Variants in LRRTM1 observed in about 807,000 individuals in gnomAD.
The protein encoded by LRRTM1 is leucine rich repeat transmembrane neuronal 1.
A neutral mutation model predicts 37.3 loss-of-function variants in LRRTM1; 8 were observed. The ratio of observed to expected loss-of-function variants is 0.21; its 90% CI spans 0.13 to 0.39. LRRTM1 has a LOEUF of 0.39. LRRTM1 is among the 10% of genes least tolerant of loss of function. The probability of loss-of-function intolerance (pLI) is 1.00; values close to 1 mark genes in which losing one functional copy is unlikely to be tolerated. For synonymous variants in LRRTM1, 326 were observed against 316.8 expected (o/e 1.03, Z -0.31); for missense variants, 557 against 691.0 (o/e 0.81, Z 2.17).
At position 80,304,133 on chromosome 2, in the gene LRRTM1, TA is replaced by T. The variant is rs1558986529; in HGVS notation, c.-60+18del. ...AAAAATCTTCGGGAAAGAATTTAAT[TA>T]AAAAGTGTCTTACCCACCCTTTTCC... On this transcript the variant is annotated intron_variant, in intron 1 of 1. Coordinates refer to ENST00000295057, the MANE Select transcript of LRRTM1 (RefSeq NM_178839.5). 1 of 285,792 alleles carries T rather than the reference TA, an allele frequency of 3.5e-6. No homozygotes were observed. Among genetic ancestry groups the T allele is most frequent in the African/African-American group, 2.2e-5 (1 of 46,018 alleles). 17.7% of individuals were successfully genotyped at this position (285,792 alleles called of 1,614,324 possible).
At chr2:80,299,147 A>T (rs887567880), downstream of LRRTM1, 14 of 152,300 alleles carry the variant, frequency 9.2e-5, no homozygotes, top group African/African-American at 3.4e-4. Context: ...TTCAGATAGC[A>T]CAGCATAATG....
rs1270358733 is a variant in LRRTM1 at position 80,302,414 on chromosome 2, C to T, written c.1406G>A (p.Arg469Lys). The stretch of plus-strand genomic sequence containing the variant: ...CATGGTCTGTTTCTGCTTTTGCTTC[C>T]TGCGCTGCGTGACAAAGCACTGTCT... ...QLRQCFVTQR[R>K]KQKQKQTMHQ... Residue 469 changes from arginine to lysine, a missense_variant, in exon 2 of 2, where the codon AGG (arginine) becomes AAG (lysine). Transcript: ENST00000295057. The surrounding 1 kb of genome is among the most constrained non-coding windows in gnomAD (Gnocchi z 6.4). The T allele has an allele frequency of 2.5e-6, 4 of 1,614,140 alleles. No homozygotes were observed. In the African/African-American group the frequency reaches 4.0e-5, roughly 16 times the overall value.
At chr2:80,290,059 G>T (rs1429235484) in intron 2 of LRRTM1, among the ~76,000 whole-genome samples, 1 of 152,106 alleles carries the variant, frequency 6.6e-6, no homozygotes, top group East Asian at 1.9e-4. Flanking sequence ...AGTTTTTGAA[G>T]TTCTGTCACT....
downstream of LRRTM1, among the ~76,000 whole-genome samples, chr2:80,297,369 A>G (rs1675839937): frequency 2.0e-5 from 3 of 152,152 alleles, no homozygotes; most frequent in African/African-American, 7.2e-5. Flanking sequence ...GACTTCTGTA[A>G]GCCTCAGGTT....
In LRRTM1 at chr2:80,302,629, G is replaced by A. The variant is rs1373847899; in HGVS notation, c.1191C>T (p.Gly397=). Residue 397 remains glycine (G), a synonymous_variant, in exon 2 of 2, where the codon GGC becomes GGT. Coordinates refer to ENST00000295057, the MANE Select transcript of LRRTM1 (RefSeq NM_178839.5). The surrounding 1 kb of genome is among the most constrained non-coding windows in gnomAD (Gnocchi z 6.4). ...PASSATTLAD[G]GEGQHDGTFE... ...ATGTGCCGTCGTGCTGCCCCTCCCCGCCGTCCGCGAGCGTGGTGGCCGAGC... is the reference window on the plus strand; with the variant it reads ...ATGTGCCGTCGTGCTGCCCCTCCCCACCGTCCGCGAGCGTGGTGGCCGAGC... 6.8e-6 allele frequency: 11 copies of A among 1,606,342 alleles called. No homozygotes were observed. Among genetic ancestry groups the A allele is most frequent in the South Asian group, 2.2e-5 (2 of 90,956 alleles).
downstream of LRRTM1, among the ~76,000 whole-genome samples, chr2:80,297,656 CATACTTTAA>C (rs1416968343): frequency 1.3e-5 from 2 of 152,028 alleles, no homozygotes; most frequent in Admixed American, 1.3e-4. Context: ...CAGAGTAGAG[CATACTTTAA>C]TGGAAAAATA....
chr2:80,294,365 C>T (rs534480921), intron 2 of LRRTM1, among the ~76,000 whole-genome samples: 1 of 152,298 alleles, frequency 6.6e-6, no homozygotes, highest in African/African-American at 2.4e-5. Context: ...TTTCTTCTAT[C>T]AGTGCCACCA....
chr2:80,294,271 A>T (rs548646873), intron 2 of LRRTM1, among the ~76,000 whole-genome samples: 3 of 152,324 alleles, frequency 2.0e-5, no homozygotes, highest in African/African-American at 7.2e-5. Flanking sequence ...GAGAGTAAAA[A>T]CAAATATAAG....
Position 80,302,348 on chromosome 2 carries a change from T to C in LRRTM1, c.1472A>G (p.Asp491Gly). The stretch of plus-strand genomic sequence containing the variant: ...TCCCTCAATGTGGTTCGGTTTGTAA[T>C]CAACGTAGTATTCCTGGGCAGACAT... ...AAMSAQEYYV[D>G]YKPNHIEGAL... is the part of the protein sequence containing the mutation. Residue 491 changes from aspartate (D) to glycine (G), a missense_variant, in exon 2 of 2, where the codon GAT (aspartate) becomes GGT (glycine). This residue lies in a region of LRRTM1 where 90 missense variants were observed against 149.4 expected (regional missense o/e 0.60). Coordinates refer to ENST00000295057, the MANE Select transcript of LRRTM1 (RefSeq NM_178839.5). This position sits in a 1 kb window ranked among gnomAD's most constrained non-coding sequence, Gnocchi z 6.4. The C allele has an allele frequency of 6.2e-7, 1 of 1,614,252 alleles. No homozygotes were observed. Among genetic ancestry groups the C allele is most frequent in the Non-Finnish European group, 8.5e-7 (1 of 1,180,036 alleles).
Position 80,303,447 on chromosome 2 carries a change from T to C in LRRTM1, c.373A>G (p.Ile125Val). 6.2e-7 allele frequency: 1 copy of C among 1,614,114 alleles called. No individual in the cohort carries two copies. The highest frequency in any genetic ancestry group is 8.5e-7 in the Non-Finnish European group (1 of 1,180,010). The change falls in exon 2 of 2, where the codon ATC (isoleucine) becomes GTC (valine). Residue 125 changes from isoleucine to valine, a missense_variant. Physicochemically the swap from Ile to Val is conservative, Grantham distance 29. This residue lies in a region of LRRTM1 where 38 missense variants were observed against 72.9 expected (regional missense o/e 0.52). Coordinates refer to ENST00000295057, the MANE Select transcript of LRRTM1 (RefSeq NM_178839.5). This position sits in a 1 kb window ranked among gnomAD's most constrained non-coding sequence, Gnocchi z 7.7. ...VKELTLSSNQ[I>V]TQLPNTTFRP... ...AAGGTGGTGTTGGGCAGTTGGGTGA[T>C]CTGGTTGGAACTCAGCGTGAGTTCC...
In LRRTM1 at chr2:80,303,865, G is replaced by T. The variant is rs1676632851; in HGVS notation, c.-46C>A. The T allele has an allele frequency of 6.8e-7, 1 of 1,477,066 alleles. No homozygotes were observed. The highest frequency in any genetic ancestry group is 9.0e-7 in the Non-Finnish European group (1 of 1,112,712). 91.5% of individuals were successfully genotyped at this position (1,477,066 alleles called of 1,614,324 possible). On this transcript the variant is annotated 5_prime_UTR_variant, in exon 2 of 2. Coordinates refer to ENST00000295057, the MANE Select transcript of LRRTM1 (RefSeq NM_178839.5). The surrounding 1 kb of genome is among the most constrained non-coding windows in gnomAD (Gnocchi z 7.7). ...AGACTGGAGAATGTCCATTGGAAGCGCTCGGTCAGAAATCTACATCATATT... is the reference window on the plus strand; with the variant it reads ...AGACTGGAGAATGTCCATTGGAAGCTCTCGGTCAGAAATCTACATCATATT...
At chr2:80,300,278 T>TGGG (rs770942821), downstream of LRRTM1, among the ~76,000 whole-genome samples, 3 of 71,028 alleles carry the variant, frequency 4.2e-5, no homozygotes, top group Non-Finnish European at 8.5e-5. Context: ...GCTGGGGTGT[T>TGGG]GGGGTGTGTG....
Position 80,303,127 on chromosome 2 carries a change from G to T in LRRTM1, c.693C>A (p.Arg231=). 1 of 1,614,098 alleles carries T rather than the reference G, an allele frequency of 6.2e-7. No homozygotes were observed. The highest frequency in any genetic ancestry group is 8.5e-7 in the Non-Finnish European group (1 of 1,180,034). The change falls in exon 2 of 2, where the codon CGC becomes CGA. Residue 231 remains arginine, a synonymous_variant. Transcript: ENST00000295057. This position sits in a 1 kb window ranked among gnomAD's most constrained non-coding sequence, Gnocchi z 7.7. Reference sequence around the variant, plus strand: ...GGCAGAGCGAGTGCAGGGAGATGAGGCGCGGGAAGTGGGCGAAGTTCACCT... The same window carrying T: ...GGCAGAGCGAGTGCAGGGAGATGAGTCGCGGGAAGTGGGCGAAGTTCACCT... ...LVKVNFAHFP[R]LISLHSLCLR...
chr2:80,300,283 TG>T (rs1676151348), downstream of LRRTM1, among the ~76,000 whole-genome samples: 4 of 10,274 alleles, frequency 3.9e-4, no homozygotes, highest in Admixed American at 1.1e-3. Context: ...GGTGTTGGGG[TG>T]TGTGTGTGTG....
Position 80,303,382 on chromosome 2 carries a change from G to T in LRRTM1, c.438C>A (p.Tyr146Ter). The T allele has an allele frequency of 6.2e-7, 1 of 1,614,182 alleles. No homozygotes were observed. The highest frequency in any genetic ancestry group is 8.5e-7 in the Non-Finnish European group (1 of 1,180,044). ...MPNLRSVDLS[Y>*]NKLQALAPDL... Reference sequence around the variant, plus strand: ...CGGGCGCGAGCGCCTGCAGCTTGTTGTACGAGAGGTCCACGCTGCGCAGGT... The same window carrying T: ...CGGGCGCGAGCGCCTGCAGCTTGTTTTACGAGAGGTCCACGCTGCGCAGGT... The change falls in exon 2 of 2, where the codon TAC becomes TAA. Residue 146 changes from tyrosine to a stop codon, truncating the protein, a stop_gained. Transcript: ENST00000295057. LOFTEE classifies it high-confidence loss of function. The surrounding 1 kb of genome is among the most constrained non-coding windows in gnomAD (Gnocchi z 7.7).
In LRRTM1 at chr2:80,302,885, G is replaced by T; in HGVS notation, c.935C>A (p.Ala312Asp). 1 of 1,614,134 alleles carries T rather than the reference G, an allele frequency of 6.2e-7. No homozygotes were observed. Among genetic ancestry groups the T allele is most frequent in the Non-Finnish European group, 8.5e-7 (1 of 1,180,028 alleles). ...SWKSLTSITL[A>D]GNLWDCGRNV... ...GCGCCCGCAATCCCACAGGTTCCCG[G>T]CCAGGGTGATGCTTGTCAGGGACTT... The change falls in exon 2 of 2, where the codon GCC (alanine) becomes GAC (aspartate). Residue 312 changes from alanine to aspartate, a missense_variant. Ala to Asp is a moderately radical substitution (Grantham distance 126). Coordinates refer to ENST00000295057, the MANE Select transcript of LRRTM1 (RefSeq NM_178839.5). The surrounding 1 kb of genome is among the most constrained non-coding windows in gnomAD (Gnocchi z 6.4).
At chr2:80,292,800 T>C (rs143856803) in intron 2 of LRRTM1, among the ~76,000 whole-genome samples, 1 of 152,348 alleles carries the variant, frequency 6.6e-6, no homozygotes, top group Non-Finnish European at 1.5e-5. Context: ...ATTGAATGAG[T>C]TGAGCAATAT....
chr2:80,297,516 G>T (rs564011913), downstream of LRRTM1, among the ~76,000 whole-genome samples: 19 of 152,226 alleles, frequency 1.2e-4, no homozygotes, highest in African/African-American at 4.3e-4. Context: ...GAATGCAATT[G>T]CCAGGCCCTT....
rs748970613 is a variant in LRRTM1, at chr2:80,303,510, C to T, written c.310G>A (p.Val104Met). Residue 104 changes from valine (V) to methionine (M), a missense_variant, in exon 2 of 2, where the codon GTG (valine) becomes ATG (methionine). Val to Met is a conservative substitution (Grantham distance 21, BLOSUM62 1). Transcript: ENST00000295057. The surrounding 1 kb of genome is among the most constrained non-coding windows in gnomAD (Gnocchi z 7.7). ...AGTTTCTGAAAGGCGTCCCCCTGCA[C>T]GGAGCAGATGTGATTGTGATCCAGA... ...LYLDHNHICS[V>M]QGDAFQKLRR... 1.2e-6 allele frequency: 2 copies of T among 1,614,220 alleles called. No individual in the cohort carries two copies. Among genetic ancestry groups the T allele is most frequent in the Non-Finnish European group, 1.7e-6 (2 of 1,180,052 alleles).
Sources: allele counts gnomAD v4.1 joint callset (sites outside exome capture counted in the v4.1 genomes callset), GRCh38; gene constraint gnomAD v4.1.1; regional missense constraint gnomAD v4.1.1; non-coding constraint Gnocchi (gnomAD v3.1); transcripts MANE v1.5; gene names NCBI Gene and HGNC (gene_info 2026-07-23, HGNC 2026-07-21).